The following NVL variants were observed in gnomAD, a reference collection of about 807,000 sequenced individuals.
The protein encoded by NVL is nuclear valosin-containing protein-like.
In NVL, 84 loss-of-function variants were observed where a neutral mutation model predicts 110.2. That is an observed-to-expected ratio of 0.76 (90% CI 0.64 to 0.91). NVL has a LOEUF of 0.91. Among genes scored for constraint, NVL ranks in the 40% least tolerant of loss-of-function variants. The probability of loss-of-function intolerance (pLI) is 0.00; values close to 1 mark genes in which losing one functional copy is unlikely to be tolerated. For missense variants in NVL, 882 were observed against 1,035.9 expected (o/e 0.85, Z 2.04); for synonymous variants, 354 against 361.1 (o/e 0.98, Z 0.22).
At chr1:224,305,912 A>G (rs904071424) in intron 6 of NVL, among the ~76,000 whole-genome samples, 1 of 152,218 alleles carries the variant, frequency 6.6e-6, no homozygotes, top group Admixed American at 6.5e-5. Context: ...TATCAGTTGG[A>G]ATAATCTGCC....
intron 17 of NVL, among the ~76,000 whole-genome samples, chr1:224,272,443 C>T (rs144749328): frequency 1.3e-3 from 191 of 152,164 alleles, no homozygotes; most frequent in South Asian, 5.4e-3. Context: ...TATAGCTGGG[C>T]GTAGTGGCTC....
intron 2 of NVL, 45 bp downstream of exon 2, chr1:224,326,346 A>G: frequency 7.1e-7 from 1 of 1,403,432 alleles, no homozygotes; most frequent in Non-Finnish European, 1.0e-6. Context: ...TAAAATGGTA[A>G]AGGAGACATA....
At chr1:224,279,562 A>G (rs978827607) in intron 16 of NVL, among the ~76,000 whole-genome samples, 1 of 152,208 alleles carries the variant, frequency 6.6e-6, no homozygotes, top group African/African-American at 2.4e-5. Context: ...CCAAACTTAT[A>G]ACTAAAGAGA....
intron 20 of NVL, among the ~76,000 whole-genome samples, chr1:224,234,688 T>G (rs1443046722): frequency 6.6e-6 from 1 of 152,094 alleles, no homozygotes; most frequent in Non-Finnish European, 1.5e-5. Context: ...CCTGCTGGGG[T>G]ATTCATTCCT....
Position 224,227,655 on chromosome 1 carries a change from C to T in NVL, c.2542G>A (p.Glu848Lys). 6.2e-7 allele frequency: 1 copy of T among 1,611,502 alleles called. No homozygotes were observed. Among genetic ancestry groups the T allele is most frequent in the Non-Finnish European group, 8.5e-7 (1 of 1,178,348 alleles). ...CGGCTGAGGGACTCCTGCAAACGTT[C>T]ATACATGATTTGATCCTGAAAGGAG... is the stretch of plus-strand genomic sequence containing the variant. ...SISKKDQIMY[E>K]RLQESLSR Residue 848 changes from glutamate to lysine, a missense_variant, in exon 23 of 23, where the codon GAA becomes AAA. Transcript: ENST00000281701.
chr1:224,296,385 T>G (rs1667886906), intron 11 of NVL, 116 bp downstream of exon 11: 2 of 577,292 alleles, frequency 3.5e-6, no homozygotes, highest in Non-Finnish European at 5.7e-6. Context: ...CAGTATGACT[T>G]TTTTTTTACA....
At chr1:224,237,667 A>C (rs1002584623) in intron 19 of NVL, among the ~76,000 whole-genome samples, 2 of 151,892 alleles carry the variant, frequency 1.3e-5, no homozygotes, top group Admixed American at 6.6e-5. Flanking sequence ...CCTCCTCGGC[A>C]CAAGAGATCC....
chr1:224,318,003 G>C, intron 2 of NVL, 73 bp from the exon 3 acceptor site: 1 of 1,032,638 alleles, frequency 9.7e-7, no homozygotes, highest in Non-Finnish European at 1.4e-6. Flanking sequence ...AATCTAAATG[G>C]ATCAAATAAA....
rs1668306265 is a variant in NVL at position 224,300,634 on chromosome 1, A to G, written c.990T>C (p.Ala330=). Residue 330 remains alanine (A), a synonymous_variant, in exon 10 of 23, where the codon GCT becomes GCC. Transcript: ENST00000281701. The part of the protein sequence containing the change: ...GELDLPILKV[A]APEIVSGVSG... ...ATACTCCAGACACAATCTCTGGAGCAGCCACTTTCAAAATTGGCAGGTCAA... is the reference window on the plus strand; with the variant it reads ...ATACTCCAGACACAATCTCTGGAGCGGCCACTTTCAAAATTGGCAGGTCAA... The G allele has an allele frequency of 6.2e-7, 1 of 1,613,892 alleles. No individual in the cohort carries two copies. Among genetic ancestry groups the G allele is most frequent in the African/African-American group, 1.3e-5 (1 of 74,932 alleles).
chr1:224,260,498 T>A (rs1663843714), intron 18 of NVL, among the ~76,000 whole-genome samples: 1 of 152,066 alleles, frequency 6.6e-6, no homozygotes, highest in Non-Finnish European at 1.5e-5. Flanking sequence ...CCTCGTGATG[T>A]GTCTGCCTCA....
chr1:224,260,677 T>C (rs1018666821), intron 18 of NVL, among the ~76,000 whole-genome samples: 14 of 151,654 alleles, frequency 9.2e-5, no homozygotes, highest in Non-Finnish European at 2.1e-4. Flanking sequence ...AATCATAATT[T>C]GCTTATTTAT....
At chr1:224,262,794 A>AT in intron 18 of NVL, among the ~76,000 whole-genome samples, 1 of 152,258 alleles carries the variant, frequency 6.6e-6, no homozygotes, top group East Asian at 1.9e-4. Flanking sequence ...GACAAGAGTT[A>AT]TATGAGAAAG....
intron 8 of NVL, 27 bp downstream of exon 8, chr1:224,304,709 G>A (rs778143846): frequency 1.3e-6 from 2 of 1,550,338 alleles, no homozygotes; most frequent in South Asian, 1.1e-5. Flanking sequence ...ATATCCATTT[G>A]AGGTAAAATT....
At chr1:224,263,395 T>C (rs1231576131) in intron 18 of NVL, among the ~76,000 whole-genome samples, 1 of 152,240 alleles carries the variant, frequency 6.6e-6, no homozygotes, top group Non-Finnish European at 1.5e-5. Context: ...TTGTTATTAC[T>C]GGTGATTGTT....
At chr1:224,239,969 C>A (rs1023283978) in intron 19 of NVL, among the ~76,000 whole-genome samples, 4 of 152,088 alleles carry the variant, frequency 2.6e-5, no homozygotes, top group African/African-American at 9.7e-5. Flanking sequence ...GCAATCTCGG[C>A]TCACTGCAAC....
At chr1:224,295,161 T>C (rs1006995054) in intron 11 of NVL, among the ~76,000 whole-genome samples, 1 of 152,196 alleles carries the variant, frequency 6.6e-6, no homozygotes, top group Middle Eastern at 3.4e-3. Flanking sequence ...GGTAGTAAGA[T>C]GCTAATTAAA....
At chr1:224,277,862 C>G (rs1056397658) in intron 16 of NVL, among the ~76,000 whole-genome samples, 1 of 152,188 alleles carries the variant, frequency 6.6e-6, no homozygotes, top group African/African-American at 2.4e-5. Context: ...AAAAACTCAT[C>G]TTCCCTTGGT....
At chr1:224,317,325 A>AAT (rs1195127481) in intron 4 of NVL, among the ~76,000 whole-genome samples, 1 of 152,220 alleles carries the variant, frequency 6.6e-6, no homozygotes, top group Non-Finnish European at 1.5e-5. Flanking sequence ...ACAAGTAAGC[A>AAT]AATAATTTCA....
intron 9 of NVL, among the ~76,000 whole-genome samples, chr1:224,300,942 TA>T (rs1418439406): frequency 2.0e-5 from 3 of 151,916 alleles, no homozygotes; most frequent in Non-Finnish European, 4.4e-5. Context: ...CCATTTTTAC[TA>T]AAAATACAAA....
Sources: gnomAD v4.1 joint callset for allele counts (sites outside exome capture counted in the v4.1 genomes callset) on GRCh38, gnomAD v4.1.1 for gene constraint, MANE v1.5 for transcripts, NCBI Gene and HGNC (gene_info 2026-07-23, HGNC 2026-07-21) for gene names.